The following USP6 variants were observed in gnomAD, a reference collection of about 807,000 sequenced individuals.
USP6 encodes ubiquitin carboxyl-terminal hydrolase 6.
USP6 carries 128 observed loss-of-function variants against 175.7 expected under a neutral mutation model. That is an observed-to-expected ratio of 0.73 (90% CI 0.63 to 0.84). USP6 has a LOEUF of 0.84. Ranked by LOEUF, USP6 falls within the 40% of genes least tolerant of loss-of-function variation. USP6 has a pLI of 0.00. For missense variants in USP6, 1,498 were observed against 1,760.3 expected (o/e 0.85, Z 2.67); for synonymous variants, 562 against 630.6 (o/e 0.89, Z 1.63).
Position 5,170,753 on chromosome 17 carries a change from A to G in USP6, c.3792A>G (p.Val1264=), listed in dbSNP as rs1156818965. The change falls in exon 36 of 38, where the codon GTA becomes GTG. Residue 1264 remains valine (V), a synonymous_variant. Coordinates refer to ENST00000574788, the MANE Select transcript of USP6 (RefSeq NM_001304284.2). ...PELVTPQDHE[V]ALANGFLYEH... is the part of the protein sequence containing the mutation. ...TGGTCACTCCTCAGGACCATGAGGT[A>G]GCTTTGGCCAATGGATTCCTTTATG... The G allele has an allele frequency of 2.5e-6, 4 of 1,614,016 alleles. No individual in the cohort carries two copies. Among genetic ancestry groups the G allele is most frequent in the Middle Eastern group, 1.7e-4 (1 of 6,048 alleles).
chr17:5,145,524 C>T lies in USP6; in HGVS notation c.2112C>T (p.Phe704=). Reference sequence around the variant, plus strand: ...ATATAAGTGTCCGATTTGACCCTTTCAATTTTTTGTCTTTGCCACTACCAA... The same window carrying T: ...ATATAAGTGTCCGATTTGACCCTTTTAATTTTTTGTCTTTGCCACTACCAA... ...CGHISVRFDP[F]NFLSLPLPMD... The change falls in exon 27 of 38, where the codon TTC becomes TTT. Residue 704 remains phenylalanine (F), a synonymous_variant. Coordinates refer to ENST00000574788, the MANE Select transcript of USP6 (RefSeq NM_001304284.2). 1 of 1,611,606 alleles carries T rather than the reference C, an allele frequency of 6.2e-7. No individual in the cohort carries two copies. The highest frequency in any genetic ancestry group is 1.1e-5 in the South Asian group (1 of 90,526).
chr17:5,133,650 G>GGGC, intron 14 of USP6, 100 bp downstream of exon 14: 5 of 556,538 alleles, frequency 9.0e-6, no homozygotes, highest in Non-Finnish European at 1.0e-5. Context: ...GGGGGGGTGG[G>GGGC]AGGGGATGGT....
intron 31 of USP6, among the ~76,000 whole-genome samples, chr17:5,159,371 G>C (rs1341633122): frequency 6.6e-6 from 1 of 152,186 alleles, no homozygotes; most frequent in Non-Finnish European, 1.5e-5. Flanking sequence ...GGAAGTTATT[G>C]TTGGAAGAGA....
chr17:5,157,937 T>C (rs1369338753), intron 31 of USP6, among the ~76,000 whole-genome samples: 1 of 152,102 alleles, frequency 6.6e-6, no homozygotes, highest in East Asian at 1.9e-4. Flanking sequence ...AGGCTGGCTT[T>C]TTACCCTGAA....
rs758232588 is a variant in USP6, at chr17:5,168,121, C to G, written c.3226C>G (p.Leu1076Val). ...KLDLWRLPPF[L>V]IIHLKRFQFV... is the part of the protein sequence containing the mutation. ...GGATCTCTGGAGGCTTCCACCCTTC[C>G]TGGTATGTTACGGTCCTGCCTCTGA... Residue 1076 changes from leucine (L) to valine (V), a missense_variant and splice_region_variant, in exon 34 of 38, where the codon CTG becomes GTG. Coordinates refer to ENST00000574788, the MANE Select transcript of USP6 (RefSeq NM_001304284.2). 4 of 1,604,634 alleles carry G rather than the reference C, an allele frequency of 2.5e-6. No homozygotes were observed. The highest frequency in any genetic ancestry group is 8.5e-7 in the Non-Finnish European group (1 of 1,174,006).
chr17:5,127,250 C>G (rs1436324064), intron 6 of USP6, among the ~76,000 whole-genome samples: 1 of 152,206 alleles, frequency 6.6e-6, no homozygotes, highest in Non-Finnish European at 1.5e-5. Context: ...GTCCATGAGT[C>G]AGCCACCCCT....
intron 25 of USP6, 51 bp from the exon 26 acceptor site, chr17:5,144,639 C>T: frequency 6.3e-7 from 1 of 1,598,078 alleles, no homozygotes; most frequent in Non-Finnish European, 8.5e-7. Flanking sequence ...CATGTTCATT[C>T]CAAATTTTAT....
At chr17:5,123,751 G>A (rs1205983906) in intron 4 of USP6, among the ~76,000 whole-genome samples, 1 of 152,256 alleles carries the variant, frequency 6.6e-6, no homozygotes, top group Non-Finnish European at 1.5e-5. Flanking sequence ...GCAAGTGCAC[G>A]CACACGTGTG....
At chr17:5,158,121 A>T (rs2073924653) in intron 31 of USP6, among the ~76,000 whole-genome samples, 1 of 152,230 alleles carries the variant, frequency 6.6e-6, no homozygotes. Flanking sequence ...TGTCATCAAC[A>T]AATAGGTGGT....
chr17:5,128,770 T>A (rs1325055516), intron 7 of USP6, 182 bp from the exon 8 acceptor site: 1 of 152,678 alleles, frequency 6.5e-6, no homozygotes, highest in Non-Finnish European at 1.5e-5. Context: ...GACCTCAGAA[T>A]GTCACTGGTG....
In USP6 at chr17:5,139,510, C is replaced by T. The variant is rs1598025361; in HGVS notation, c.1334C>T (p.Ser445Phe). The change falls in exon 22 of 38, where the codon TCC becomes TTC. Residue 445 changes from serine to phenylalanine, a missense_variant. This residue lies in a region of USP6 where 1,217 missense variants were observed against 1,500.8 expected (regional missense o/e 0.81). Transcript: ENST00000574788. ...CTGGCTCAGGGAGGACCTCAGGGTT[C>T]CTGGAGATTCCTGGAGTGGAAGTCA... ...LALAQGGPQG[S>F]WRFLEWKSMP... is the part of the protein sequence containing the mutation. 1.9e-6 allele frequency: 3 copies of T among 1,613,666 alleles called. No homozygotes were observed. Among genetic ancestry groups the T allele is most frequent in the Non-Finnish European group, 2.5e-6 (3 of 1,180,032 alleles).
At chr17:5,148,911 A>G (rs1275693871) in intron 30 of USP6, 144 bp downstream of exon 30, 3 of 1,399,994 alleles carry the variant, frequency 2.1e-6, no homozygotes, top group South Asian at 3.3e-5. Flanking sequence ...TACAAATTTT[A>G]TTTTTTTACT....
chr17:5,139,536 A>C lies in USP6; in HGVS notation c.1360A>C (p.Met454Leu). 5.0e-6 allele frequency: 8 copies of C among 1,613,800 alleles called. No individual in the cohort carries two copies. Among genetic ancestry groups the C allele is most frequent in the Non-Finnish European group, 6.8e-6 (8 of 1,180,008 alleles). Residue 454 changes from methionine to leucine, a missense_variant, in exon 22 of 38, where the codon ATG becomes CTG. Physicochemically the swap from Met to Leu is conservative, Grantham distance 15. This residue lies in a region of USP6 where 1,217 missense variants were observed against 1,500.8 expected (regional missense o/e 0.81). Transcript: ENST00000574788. ...CTGGAGATTCCTGGAGTGGAAGTCA[A>C]TGCCCCGGCTCCCAACGGACCTGGA... ...GSWRFLEWKS[M>L]PRLPTDLDIG...
chr17:5,145,920 A>G (rs1567796697), intron 27 of USP6, 103 bp from the exon 28 acceptor site: 1 of 1,384,106 alleles, frequency 7.2e-7, no homozygotes, highest in Non-Finnish European at 9.4e-7. Context: ...CTAGGCTGAA[A>G]TATTTGCTAT....
At chr17:5,155,665 A>G (rs1333551602) in intron 31 of USP6, 59 bp downstream of exon 31, 4 of 1,545,586 alleles carry the variant, frequency 2.6e-6, no homozygotes, top group African/African-American at 2.8e-5. Context: ...AATAATTTAT[A>G]TGAATTCTAC....
intron 15 of USP6, chr17:5,134,265 C>T: frequency 2.2e-6 from 1 of 452,094 alleles, no homozygotes; most frequent in South Asian, 2.3e-5. Context: ...GAAAGGTGCT[C>T]TCCCTGACCC....
At chr17:5,141,544 T>A (rs755523076) in intron 23 of USP6, 45 bp downstream of exon 23, 3 of 1,480,622 alleles carry the variant, frequency 2.0e-6, no homozygotes, top group Non-Finnish European at 2.7e-6. Context: ...TTTAAATGTA[T>A]TTTTTTTCTT....
At chr17:5,157,260 A>G (rs189712920) in intron 31 of USP6, among the ~76,000 whole-genome samples, 1 of 150,852 alleles carries the variant, frequency 6.6e-6, no homozygotes, top group Non-Finnish European at 1.5e-5. Flanking sequence ...TAGTTTTTGT[A>G]TTTTCAGTAC....
rs992011347 is a variant in USP6, at chr17:5,120,217, C to T, written c.-1836-410C>T. ...TAACATTTGCTAATGGGGCCTGGCA[C>T]GGTGACACCAACGTAGGGTTGCTCT... On this transcript the variant is annotated intron_variant, in intron 2 of 37. Coordinates refer to ENST00000574788, the MANE Select transcript of USP6 (RefSeq NM_001304284.2). Among the ~76,000 whole-genome samples the T allele has an allele frequency of 1.1e-4, 16 of 152,218 alleles. No homozygotes were observed. In the South Asian group the frequency reaches 1.7e-3, roughly 16 times the overall value.
Sources: gnomAD v4.1 joint callset for allele counts (sites outside exome capture counted in the v4.1 genomes callset) on GRCh38, gnomAD v4.1.1 for gene constraint, gnomAD v4.1.1 regional missense constraint, MANE v1.5 for transcripts, NCBI Gene and HGNC (gene_info 2026-07-23, HGNC 2026-07-21) for gene names.